Variants in ST6GALNAC1 observed in about 807,000 individuals in gnomAD.
ST6GALNAC1 encodes alpha-N-acetylgalactosaminide alpha-2,6-sialyltransferase 1.
A neutral mutation model predicts 56.8 loss-of-function variants in ST6GALNAC1; 45 were observed. The observed-to-expected ratio is 0.79, with a 90% CI of 0.62 to 1.02. ST6GALNAC1 has a LOEUF of 1.02. ST6GALNAC1 is among the 50% of genes least tolerant of loss of function. The pLI, the probability that ST6GALNAC1 is intolerant of heterozygous loss-of-function variation, is 0.00. For missense variants in ST6GALNAC1, 743 were observed against 754.8 expected (o/e 0.98, Z 0.18); for synonymous variants, 295 against 297.8 (o/e 0.99, Z 0.10).
chr17:76,629,313 G>A lies in ST6GALNAC1; in HGVS notation c.530C>T (p.Ser177Phe), dbSNP rs373212469. The change falls in exon 2 of 9, where the codon TCC becomes TTC. Residue 177 changes from serine (S) to phenylalanine (F), a missense_variant. By Grantham distance (155) the Ser-to-Phe change is radical (BLOSUM62 -2). Coordinates refer to ENST00000156626, the MANE Select transcript of ST6GALNAC1 (RefSeq NM_018414.5). ...CTGGTGCTTCTCTGACACCGTCCTG[G>A]AGGCCGTCAGCTTCCTGGTCTGGCC... ...NGGQTRKLTA[S>F]RTVSEKHQGK... The A allele has an allele frequency of 3.1e-6, 5 of 1,614,064 alleles. No individual in the cohort carries two copies. The highest frequency in any genetic ancestry group is 1.3e-5 in the African/African-American group (1 of 74,918).
At position 76,626,564 on chromosome 17, in the gene ST6GALNAC1, G is replaced by T. The variant is rs1028245008; in HGVS notation, c.1311+87C>A. The T allele has an allele frequency of 7.8e-5, 124 of 1,582,688 alleles. No individual in the cohort carries two copies. The Admixed American group carries it at 9.0e-4, about 11-fold the overall frequency. On this transcript the variant is annotated intron_variant, in intron 5 of 8. Transcript: ENST00000156626. ...CCTGTACCAACCACAGACTCCATCC[G>T]GATGAAAGCCTCTCCTCTCCCTTCT...
chr17:76,618,262 A>C, the ST6GALNAC1 span, among the ~76,000 whole-genome samples: 2 of 152,166 alleles, frequency 1.3e-5, no homozygotes, highest in African/African-American at 4.8e-5. Flanking sequence ...TGTAGAGAAG[A>C]AGCAGATACA....
rs1269030342 is a variant in ST6GALNAC1 at position 76,627,748 on chromosome 17, C to T, written c.832-165G>A. 6.6e-6 allele frequency among the ~76,000 whole-genome samples: 1 copy of T among 152,184 alleles called. No homozygotes were observed. The highest frequency in any genetic ancestry group is 2.4e-5 in the African/African-American group (1 of 41,448). On this transcript the variant is annotated intron_variant, in intron 2 of 8. Coordinates refer to ENST00000156626, the MANE Select transcript of ST6GALNAC1 (RefSeq NM_018414.5). The surrounding 1 kb of genome is among the most constrained non-coding windows in gnomAD (Gnocchi z 4.4). ...CTGCTTACCCTCCCCTTCCCATTGTCTGGGCTCATTGTGGTCCTGAGGGTT... is the reference window on the plus strand; with the variant it reads ...CTGCTTACCCTCCCCTTCCCATTGTTTGGGCTCATTGTGGTCCTGAGGGTT...
chr17:76,625,844 A>C lies in ST6GALNAC1; in HGVS notation c.1580T>G (p.Leu527Arg). The C allele has an allele frequency of 1.9e-6, 3 of 1,541,390 alleles. No homozygotes were observed. Among genetic ancestry groups the C allele is most frequent in the Non-Finnish European group, 2.6e-6 (3 of 1,147,584 alleles). The change falls in exon 8 of 9, where the codon CTC becomes CGC. Residue 527 changes from leucine (L) to arginine (R), a missense_variant. Transcript: ENST00000156626. ...YRPTTGALLL[L>R]TALQLCDQVS... The stretch of plus-strand genomic sequence containing the variant: ...CTGGTCACAGAGCTGAAGGGCAGTG[A>C]GCAGCAGGAGGGCCCCAGTGGTGGG...
rs141873940 is a variant in ST6GALNAC1 at position 76,629,546 on chromosome 17, G to A, written c.297C>T (p.Asp99=). Residue 99 remains aspartate (D), a synonymous_variant, in exon 2 of 9, where the codon GAC becomes GAT. Coordinates refer to ENST00000156626, the MANE Select transcript of ST6GALNAC1 (RefSeq NM_018414.5). ...GTGCCTGGTTGGCCTCCTTTCCTCT[G>A]TCTCCGGTGGTGTGGGCCTTGGGCT... ...QTQPKAHTTG[D]RGKEANQAPP... 6.2e-7 allele frequency: 1 copy of A among 1,613,786 alleles called. No individual in the cohort carries two copies. Among genetic ancestry groups the A allele is most frequent in the African/African-American group, 1.3e-5 (1 of 74,852 alleles).
At chr17:76,619,997 GCCT>G (rs1449640163), downstream of ST6GALNAC1, among the ~76,000 whole-genome samples, 1 of 151,906 alleles carries the variant, frequency 6.6e-6, no homozygotes. Context: ...GCCTGCCTCG[GCCT>G]CCCAAAGTGC....
At chr17:76,636,810 C>T (rs973479138) in intron 1 of ST6GALNAC1, among the ~76,000 whole-genome samples, 2 of 151,936 alleles carry the variant, frequency 1.3e-5, no homozygotes, top group African/African-American at 2.4e-5. Context: ...ATGACGATGG[C>T]GGTTTTGTCG....
Position 76,627,902 on chromosome 17 carries a change from C to A in ST6GALNAC1, c.832-319G>T, listed in dbSNP as rs188743340. On this transcript the variant is annotated intron_variant, in intron 2 of 8. Coordinates refer to ENST00000156626, the MANE Select transcript of ST6GALNAC1 (RefSeq NM_018414.5). This position sits in a 1 kb window ranked among gnomAD's most constrained non-coding sequence, Gnocchi z 4.4. ...CACAAGGTCAGGAGATCGAGACCAT[C>A]CTGGCTAACACGGTGAAACCCCGTC... Among the ~76,000 whole-genome samples, 3,887 of 152,030 alleles carry A rather than the reference C, an allele frequency of 0.026. 175 individuals are homozygous for A. The highest frequency in any genetic ancestry group is 0.09 in the African/African-American group (3,715 of 41,454).
intron 1 of ST6GALNAC1, among the ~76,000 whole-genome samples, chr17:76,638,890 C>T (rs1328846154): frequency 6.6e-6 from 1 of 151,992 alleles, no homozygotes; most frequent in Non-Finnish European, 1.5e-5. Flanking sequence ...TCAGAATTGT[C>T]TTGAAGTTCT....
In ST6GALNAC1 at chr17:76,629,050, C is replaced by T. The variant is rs780520881; in HGVS notation, c.793G>A (p.Glu265Lys). The change falls in exon 2 of 9, where the codon GAG becomes AAG. Residue 265 changes from glutamate (E) to lysine (K), a missense_variant. Coordinates refer to ENST00000156626, the MANE Select transcript of ST6GALNAC1 (RefSeq NM_018414.5). ...CCTATTTCGAAGCTGTATTTTTCCT[C>T]AAAATCCCACCGAGGCTCAGATTTG... ...NFKSEPRWDF[E>K]EKYSFEIGGL... 1 of 1,546,946 alleles carries T rather than the reference C, an allele frequency of 6.5e-7. No individual in the cohort carries two copies. The highest frequency in any genetic ancestry group is 8.7e-7 in the Non-Finnish European group (1 of 1,148,376).
intron 6 of ST6GALNAC1, 35 bp downstream of exon 6, chr17:76,626,254 C>G (rs1317290349): frequency 6.2e-7 from 1 of 1,607,330 alleles, no homozygotes; most frequent in Non-Finnish European, 8.5e-7. Flanking sequence ...ATGGCTCAGC[C>G]TGGGATAAGG....
downstream of ST6GALNAC1, among the ~76,000 whole-genome samples, chr17:76,621,781 A>C (rs1320167418): frequency 6.6e-6 from 1 of 152,038 alleles, no homozygotes; most frequent in African/African-American, 2.4e-5. Context: ...GGCCCAATCC[A>C]GCTGTTTCTG....
rs372958899 is a variant in ST6GALNAC1 at position 76,629,137 on chromosome 17, G to A, written c.706C>T (p.Pro236Ser). ...PKEKKPQATP[P>S]PAPFQSPTTQ... ...GTGGGGCTCTGGAAAGGGGCAGGGGGTGGGGTGGCCTGAGGTTTCTTCTCC... is the reference window on the plus strand; with the variant it reads ...GTGGGGCTCTGGAAAGGGGCAGGGGATGGGGTGGCCTGAGGTTTCTTCTCC... The change falls in exon 2 of 9, where the codon CCC (proline) becomes TCC (serine). Residue 236 changes from proline (P) to serine (S), a missense_variant. Physicochemically the swap from Pro to Ser is moderately conservative, Grantham distance 74. Transcript: ENST00000156626. 6.8e-6 allele frequency: 11 copies of A among 1,613,808 alleles called. No homozygotes were observed. In the African/African-American group the frequency reaches 1.5e-4, roughly 22 times the overall value.
chr17:76,620,842 G>C (rs7218371), downstream of ST6GALNAC1, among the ~76,000 whole-genome samples: 2,574 of 151,960 alleles, frequency 0.017, 82 homozygotes, highest in African/African-American at 0.059. Context: ...TGATCCACCC[G>C]CCTCGGCCTC....
Position 76,625,036 on chromosome 17 carries a change from T to G in ST6GALNAC1, c.*294A>C. On this transcript the variant is annotated 3_prime_UTR_variant, in exon 9 of 9. Coordinates refer to ENST00000156626, the MANE Select transcript of ST6GALNAC1 (RefSeq NM_018414.5). Reference sequence around the variant, plus strand: ...GCTCTTTTTTCTGTATCAAGAAGCTTTTGGACTGGAAGAGTGTTTTTCAGC... The same window carrying G: ...GCTCTTTTTTCTGTATCAAGAAGCTGTTGGACTGGAAGAGTGTTTTTCAGC... 4.8e-6 allele frequency: 2 copies of G among 414,720 alleles called. No individual in the cohort carries two copies. Among genetic ancestry groups the G allele is most frequent in the Non-Finnish European group, 8.6e-6 (2 of 231,228 alleles). 25.7% of individuals were successfully genotyped at this position (414,720 alleles called of 1,614,324 possible).
At chr17:76,621,186 C>CTTTT (rs775271169), downstream of ST6GALNAC1, among the ~76,000 whole-genome samples, 78 of 110,072 alleles carry the variant, frequency 7.1e-4, 3 homozygotes, top group South Asian at 1.9e-3. Flanking sequence ...TTCTTTCTTT[C>CTTTT]TTTTTTTTTT....
At chr17:76,623,319 C>T (rs192595388), downstream of ST6GALNAC1, among the ~76,000 whole-genome samples, 233 of 152,292 alleles carry the variant, frequency 1.5e-3, no homozygotes, top group Non-Finnish European at 2.4e-3. Flanking sequence ...GCTTTTCTTT[C>T]GCAGGTATTC....
rs904834191 is a variant in ST6GALNAC1 at position 76,626,719 on chromosome 17, C to A, written c.1243G>T (p.Ala415Ser). 3.7e-6 allele frequency: 6 copies of A among 1,614,094 alleles called. No homozygotes were observed. Among genetic ancestry groups the A allele is most frequent in the African/African-American group, 1.3e-5 (1 of 74,938 alleles). Residue 415 changes from alanine (A) to serine (S), a missense_variant, in exon 5 of 9, where the codon GCC becomes TCC. Transcript: ENST00000156626. ...AGGAGTGACTGGGTCAGGGAGAAGG[C>A]GGTAAAGCCGTAGAAGGATGTCCGA... is the stretch of plus-strand genomic sequence containing the variant. ...GTRTSFYGFTAFSLTQSLLIL... is the reference protein window; with the variant it reads ...GTRTSFYGFTSFSLTQSLLIL...
At chr17:76,632,627 G>A (rs2075919309) in intron 1 of ST6GALNAC1, among the ~76,000 whole-genome samples, 1 of 152,198 alleles carries the variant, frequency 6.6e-6, no homozygotes, top group South Asian at 2.1e-4. Flanking sequence ...GTGATTGCTA[G>A]GGCTGTGGGT....
Sources: gnomAD v4.1 joint callset for allele counts (sites outside exome capture counted in the v4.1 genomes callset) on GRCh38, gnomAD v4.1.1 for gene constraint, Gnocchi (gnomAD v3.1) non-coding constraint, MANE v1.5 for transcripts, NCBI Gene and HGNC (gene_info 2026-07-23, HGNC 2026-07-21) for gene names.